RAB38: variants seen among roughly 807,000 people sequenced by gnomAD.
RAB38 encodes the protein RAB38, member RAS oncogene family.
A neutral mutation model predicts 18.4 loss-of-function variants in RAB38; 15 were observed. The observed-to-expected ratio is 0.82, with a 90% confidence interval of 0.55 to 1.26. RAB38 has a LOEUF of 1.26. Ranked by LOEUF, RAB38 falls within the 50% of genes most tolerant of loss-of-function variation. RAB38 has a pLI of 0.00. For synonymous variants in RAB38, 101 were observed against 104.4 expected, an observed-to-expected ratio of 0.97 and a Z score of 0.20; for missense variants, 294 against 267.4, an observed-to-expected ratio of 1.10 and a Z score of -0.69.
chr11:88,092,663 T>C, the RAB38 span, among the ~76,000 whole-genome samples: 2 of 151,776 alleles, frequency 1.3e-5, no homozygotes, highest in Non-Finnish European at 2.9e-5. Context: ...TCAAAGAATA[T>C]GTTATGTATA....
the RAB38 span, among the ~76,000 whole-genome samples, chr11:87,920,313 G>T: frequency 1.3e-5 from 2 of 151,430 alleles, no homozygotes; most frequent in East Asian, 3.9e-4. Flanking sequence ...TTATTTTTAT[G>T]CATCCCATAA....
At chr11:87,854,418 T>C in the RAB38 span, among the ~76,000 whole-genome samples, 8 of 152,206 alleles carry the variant, frequency 5.3e-5, no homozygotes, top group Admixed American at 5.2e-4. Flanking sequence ...CATGTTCTCT[T>C]ACATTCTCTT....
Position 88,149,774 on chromosome 11 carries a change from TTTG to T in RAB38, c.381_383del (p.Asn127del). The T allele has an allele frequency of 6.2e-7, 1 of 1,614,166 alleles. No individual in the cohort carries two copies. Among genetic ancestry groups the T allele is most frequent in the Non-Finnish European group, 8.5e-7 (1 of 1,180,016 alleles). ...TGAGCACATCCTTCCCCTGGTCACA[TTTG>T]TTGGCCAACAAAACCACTGAAACCG... On this transcript the variant is annotated inframe_deletion, in exon 2 of 3. Transcript: ENST00000243662.
At chr11:88,076,894 G>C in the RAB38 span, among the ~76,000 whole-genome samples, 1 of 147,376 alleles carries the variant, frequency 6.8e-6, no homozygotes, top group Admixed American at 6.8e-5. Flanking sequence ...GGAAAGCGGA[G>C]GTTGCAGTGA....
the RAB38 span, among the ~76,000 whole-genome samples, chr11:87,878,896 T>C: frequency 6.6e-6 from 1 of 151,678 alleles, no homozygotes; most frequent in African/African-American, 2.4e-5. Flanking sequence ...GTTATTTCCA[T>C]GTTATCACAG....
intron 2 of RAB38, among the ~76,000 whole-genome samples, chr11:88,132,703 C>A (rs1942780223): frequency 6.6e-6 from 1 of 152,202 alleles, no homozygotes; most frequent in Non-Finnish European, 1.5e-5. Flanking sequence ...AGGTGATCCA[C>A]CTGCCTTGGC....
chr11:88,050,771 G>A, the RAB38 span, among the ~76,000 whole-genome samples: 1 of 152,130 alleles, frequency 6.6e-6, no homozygotes, highest in African/African-American at 2.4e-5. Context: ...TTCTCACAGA[G>A]TATAGCTGCA....
the RAB38 span, among the ~76,000 whole-genome samples, chr11:88,068,532 A>G: frequency 6.6e-6 from 1 of 152,182 alleles, no homozygotes; most frequent in African/African-American, 2.4e-5. Context: ...TACACTATAC[A>G]TTTCTTTTTA....
At chr11:88,160,972 C>G (rs978760165) in intron 1 of RAB38, among the ~76,000 whole-genome samples, 6 of 150,998 alleles carry the variant, frequency 4.0e-5, no homozygotes, top group Non-Finnish European at 8.9e-5. Context: ...TATGTATCCC[C>G]CTGAATCTAT....
the RAB38 span, among the ~76,000 whole-genome samples, chr11:88,086,185 G>A: frequency 1.3e-5 from 2 of 151,926 alleles, no homozygotes; most frequent in South Asian, 4.1e-4. Flanking sequence ...TTGCTTTGTG[G>A]GATGAAGAAA....
At chr11:87,910,988 A>AT in the RAB38 span, among the ~76,000 whole-genome samples, 3 of 151,568 alleles carry the variant, frequency 2.0e-5, no homozygotes, top group South Asian at 6.3e-4. Context: ...TTGTTTTTTT[A>AT]TTTTTTTGCA....
the RAB38 span, among the ~76,000 whole-genome samples, chr11:87,818,141 T>A: frequency 0.16 from 24,241 of 152,162 alleles, 2,225 homozygotes; most frequent in Admixed American, 0.26. Flanking sequence ...AGAGTTTCTT[T>A]CTTAGTAGAT....
the RAB38 span, among the ~76,000 whole-genome samples, chr11:87,977,700 G>C: frequency 3.1e-4 from 33 of 107,980 alleles, 1 homozygote; most frequent in South Asian, 9.8e-3. Flanking sequence ...AATATATAGG[G>C]ATATATTATA....
At chr11:87,889,771 T>A in the RAB38 span, among the ~76,000 whole-genome samples, 3 of 150,138 alleles carry the variant, frequency 2.0e-5, no homozygotes, top group African/African-American at 7.4e-5. Flanking sequence ...TCCTTATACA[T>A]GACACTTACT....
the RAB38 span, among the ~76,000 whole-genome samples, chr11:87,832,762 T>G: frequency 6.8e-6 from 1 of 147,168 alleles, no homozygotes. Flanking sequence ...CTAGATTGGA[T>G]CCACCTAGAT....
chr11:88,030,080 C>A, the RAB38 span, among the ~76,000 whole-genome samples: 1 of 152,118 alleles, frequency 6.6e-6, no homozygotes, highest in Non-Finnish European at 1.5e-5. Flanking sequence ...GAATCTCACT[C>A]AAAACCACTC....
At chr11:87,859,582 A>G in the RAB38 span, among the ~76,000 whole-genome samples, 4 of 152,172 alleles carry the variant, frequency 2.6e-5, no homozygotes, top group South Asian at 2.1e-4. Context: ...TGGCCTGGCA[A>G]TTATATTCCT....
chr11:87,831,978 G>A, the RAB38 span, among the ~76,000 whole-genome samples: 2 of 152,146 alleles, frequency 1.3e-5, no homozygotes, highest in African/African-American at 4.8e-5. Context: ...TGTCTACTAT[G>A]TGCCAAAGAC....
the RAB38 span, among the ~76,000 whole-genome samples, chr11:87,914,468 G>T: frequency 6.6e-6 from 1 of 152,120 alleles, no homozygotes. Flanking sequence ...CCAAGAAGTG[G>T]TATGGTTACT....
Sources: allele counts gnomAD v4.1 joint callset (sites outside exome capture counted in the v4.1 genomes callset), GRCh38; gene constraint gnomAD v4.1.1; transcripts MANE v1.5; gene names NCBI Gene and HGNC (gene_info 2026-07-23, HGNC 2026-07-21).